Variants in ATP6V1C2 observed in about 807,000 individuals in gnomAD.
The protein encoded by ATP6V1C2 is ATPase H+ transporting V1 subunit C2, also known as V-type proton ATPase subunit C 2.
A neutral mutation model predicts 56.8 loss-of-function variants in ATP6V1C2; 45 were observed. The observed-to-expected ratio is 0.79, with a 90% CI of 0.62 to 1.02. The LOEUF (loss-of-function observed/expected upper bound fraction) is 1.02, where lower values mean the gene tolerates loss of function less well. ATP6V1C2 is among the 50% of genes least tolerant of loss of function. ATP6V1C2 has a pLI of 0.00. For missense variants in ATP6V1C2, 463 were observed against 519.7 expected (o/e 0.89, Z 1.06); for synonymous variants, 220 against 201.3 (o/e 1.09, Z -0.79).
intron 3 of ATP6V1C2, among the ~76,000 whole-genome samples, chr2:10,742,771 T>C (rs912848005): frequency 6.6e-6 from 1 of 152,118 alleles, no homozygotes; most frequent in Admixed American, 6.5e-5. Context: ...TCAGCAGGGC[T>C]AAGAGGTGCC....
intron 8 of ATP6V1C2, among the ~76,000 whole-genome samples, chr2:10,772,939 G>C (rs1220240029): frequency 2.0e-5 from 3 of 152,302 alleles, no homozygotes; most frequent in East Asian, 1.9e-4. Flanking sequence ...CCTGCCAGAG[G>C]GGGAAGCCAG....
At chr2:10,765,314 G>A (rs910113857) in intron 5 of ATP6V1C2, among the ~76,000 whole-genome samples, 1 of 152,236 alleles carries the variant, frequency 6.6e-6, no homozygotes, top group African/African-American at 2.4e-5. Flanking sequence ...TGAAGGTGAG[G>A]GTGACAAGGA....
chr2:10,742,058 C>T (rs542446535), intron 3 of ATP6V1C2, among the ~76,000 whole-genome samples: 2 of 152,180 alleles, frequency 1.3e-5, no homozygotes, highest in Admixed American at 1.3e-4. Context: ...TACAGGCACG[C>T]ACCACCACAC....
At chr2:10,728,430 A>C (rs369530197) in intron 3 of ATP6V1C2, among the ~76,000 whole-genome samples, 7 of 152,150 alleles carry the variant, frequency 4.6e-5, no homozygotes, top group Admixed American at 1.3e-4. Flanking sequence ...TGCATCTTGC[A>C]TTTTAGTTAA....
Position 10,764,344 on chromosome 2 carries a change from C to G in ATP6V1C2, c.297C>G (p.Ser99=), listed in dbSNP as rs754848566. 16 of 1,613,544 alleles carry G rather than the reference C, an allele frequency of 9.9e-6. No individual in the cohort carries two copies. In the Admixed American group the frequency reaches 1.2e-4, roughly 12 times the overall value. The part of the protein sequence containing the change: ...HLLANGVDLT[S]FVTHFEWDMA... ...GTATTCTTCCAGTTGACTTAACATC[C>G]TTTGTGACCCACTTTGAATGGGACA... Residue 99 remains serine (S), a synonymous_variant, in exon 5 of 14, where the codon TCC becomes TCG. Transcript: ENST00000272238.
At chr2:10,722,729 G>A in intron 1 of ATP6V1C2, 95 bp from the exon 2 acceptor site, 1 of 1,345,172 alleles carries the variant, frequency 7.4e-7, no homozygotes, top group South Asian at 1.4e-5. Context: ...ATCCTAGAAA[G>A]GATGAATTGG....
chr2:10,778,806 C>A, intron 12 of ATP6V1C2, 137 bp downstream of exon 12: 1 of 768,982 alleles, frequency 1.3e-6, no homozygotes. Context: ...GTTGGCAACA[C>A]GCTCAATTCC....
chr2:10,751,776 C>T (rs547451493), intron 3 of ATP6V1C2, among the ~76,000 whole-genome samples: 3 of 152,220 alleles, frequency 2.0e-5, no homozygotes, highest in Non-Finnish European at 2.9e-5. Flanking sequence ...GATACTTGCT[C>T]GACTCCACTA....
rs370873358 is a variant in ATP6V1C2, at chr2:10,774,569, C to T, written c.639-219C>T. Among the ~76,000 whole-genome samples, 45 of 152,314 alleles carry T rather than the reference C, an allele frequency of 3.0e-4. 1 individual carries two copies. Among genetic ancestry groups the T allele is most frequent in the East Asian group, 7.7e-4 (4 of 5,180 alleles). ...CCAGGCCCCTACACTCCCTGCACCC[C>T]GAGGCCCCCTGAGGCCTTAGCCTGG... On this transcript the variant is annotated intron_variant, in intron 8 of 13. Transcript: ENST00000272238.
intron 10 of ATP6V1C2, among the ~76,000 whole-genome samples, chr2:10,776,784 C>T (rs891522029): frequency 6.6e-6 from 1 of 152,188 alleles, no homozygotes; most frequent in African/African-American, 2.4e-5. Context: ...AACAGGGTGA[C>T]ACACAGGAGC....
At chr2:10,737,891 G>A (rs1403894318) in intron 3 of ATP6V1C2, among the ~76,000 whole-genome samples, 1 of 152,046 alleles carries the variant, frequency 6.6e-6, no homozygotes, top group Admixed American at 6.6e-5. Context: ...ATGGGGTTTT[G>A]CCACATTGGC....
At chr2:10,781,023 G>T (rs1665314841) in intron 12 of ATP6V1C2, among the ~76,000 whole-genome samples, 1 of 152,182 alleles carries the variant, frequency 6.6e-6, no homozygotes, top group Non-Finnish European at 1.5e-5. Flanking sequence ...TGGGATTACA[G>T]GTGTGAGCCA....
At chr2:10,745,041 C>CTTTT (rs5829274) in intron 3 of ATP6V1C2, among the ~76,000 whole-genome samples, 38 of 113,310 alleles carry the variant, frequency 3.4e-4, no homozygotes, top group African/African-American at 9.8e-4. Flanking sequence ...TATTTATTTT[C>CTTTT]TTTTTTTTTT....
At position 10,784,262 on chromosome 2, in the gene ATP6V1C2, A is replaced by C. The variant is rs75657715; in HGVS notation, c.*999A>C. 1.2e-6 allele frequency: 2 copies of C among 1,612,518 alleles called. No individual in the cohort carries two copies. Among genetic ancestry groups the C allele is most frequent in the African/African-American group, 2.7e-5 (2 of 74,974 alleles). On this transcript the variant is annotated 3_prime_UTR_variant, in exon 14 of 14. Transcript: ENST00000272238. Reference sequence around the variant, plus strand: ...CTGAAGCCTCTGTTGTGGCTCTCACAACTCATCTTTCCCTAAGTCATCAAG... The same window carrying C: ...CTGAAGCCTCTGTTGTGGCTCTCACCACTCATCTTTCCCTAAGTCATCAAG...
intron 3 of ATP6V1C2, 21 bp from the exon 4 acceptor site, chr2:10,753,960 C>T (rs758204470): frequency 6.3e-7 from 1 of 1,587,138 alleles, no homozygotes; most frequent in Non-Finnish European, 8.6e-7. Context: ...CTAACCGGCT[C>T]TTTTTCTTCT....
At chr2:10,770,107 A>G (rs1202182746) in intron 6 of ATP6V1C2, 2 of 151,820 alleles carry the variant, frequency 1.3e-5, no homozygotes, top group Admixed American at 1.3e-4. Flanking sequence ...AAAACCATAG[A>G]TGGTTTTTAG....
intron 3 of ATP6V1C2, among the ~76,000 whole-genome samples, chr2:10,733,000 G>A (rs1279580966): frequency 6.6e-6 from 1 of 151,586 alleles, no homozygotes; most frequent in South Asian, 2.1e-4. Context: ...ATGAAAATGC[G>A]TGAACAGGCA....
intron 4 of ATP6V1C2, among the ~76,000 whole-genome samples, chr2:10,757,903 G>T (rs771931444): frequency 1.3e-5 from 2 of 152,092 alleles, no homozygotes; most frequent in African/African-American, 4.8e-5. Flanking sequence ...GGGCAGTCCC[G>T]GTGCCCAAAC....
chr2:10,767,616 C>A (rs1052430033), intron 5 of ATP6V1C2, among the ~76,000 whole-genome samples: 3 of 152,024 alleles, frequency 2.0e-5, no homozygotes, highest in Non-Finnish European at 2.9e-5. Flanking sequence ...CACCACCAAG[C>A]CCAGCCACTT....
Sources: allele counts gnomAD v4.1 joint callset (sites outside exome capture counted in the v4.1 genomes callset), GRCh38; gene constraint gnomAD v4.1.1; transcripts MANE v1.5; gene names NCBI Gene and HGNC (gene_info 2026-07-23, HGNC 2026-07-21).